The following HECW2 variants were observed in gnomAD, a reference collection of about 807,000 sequenced individuals.
HECW2 encodes E3 ubiquitin-protein ligase HECW2.
Under a neutral mutation model 175.2 loss-of-function variants are expected in HECW2, and 61 were observed. That is an observed-to-expected ratio of 0.35 (90% CI 0.28 to 0.43). HECW2 has a LOEUF of 0.43. HECW2 is among the 20% of genes least tolerant of loss of function. The pLI, the probability that HECW2 is intolerant of heterozygous loss-of-function variation, is 1.00. For missense variants in HECW2, 1,524 were observed against 2,000.5 expected, an observed-to-expected ratio of 0.76 and a Z score of 4.54; for synonymous variants, 671 against 731.0, an observed-to-expected ratio of 0.92 and a Z score of 1.32.
chr2:196,219,248 T>C (rs772177244), intron 26 of HECW2, among the ~76,000 whole-genome samples: 11 of 152,268 alleles, frequency 7.2e-5, no homozygotes, highest in Non-Finnish European at 1.5e-4. Context: ...AACTGGTATT[T>C]GTCATGAATT....
chr2:196,236,211 T>G (rs1401905582), intron 21 of HECW2, among the ~76,000 whole-genome samples: 1 of 152,152 alleles, frequency 6.6e-6, no homozygotes, highest in Non-Finnish European at 1.5e-5. Flanking sequence ...TCTAATGACC[T>G]CAAGTGCAGA....
At chr2:196,257,363 T>C (rs573881771) in intron 18 of HECW2, among the ~76,000 whole-genome samples, 88 of 152,368 alleles carry the variant, frequency 5.8e-4, no homozygotes, top group South Asian at 1.4e-3. Flanking sequence ...GTCAACTTTC[T>C]GATCTGATTT....
intron 3 of HECW2, among the ~76,000 whole-genome samples, chr2:196,336,856 C>T (rs1285105823): frequency 6.6e-6 from 1 of 151,964 alleles, no homozygotes; most frequent in African/African-American, 2.4e-5. Flanking sequence ...CCCACCAGTG[C>T]TACAGAGCTG....
intron 1 of HECW2, among the ~76,000 whole-genome samples, chr2:196,523,990 T>A (rs972765347): frequency 6.6e-6 from 1 of 151,980 alleles, no homozygotes; most frequent in African/African-American, 2.4e-5. Flanking sequence ...GCTGGCCTCA[T>A]AAAATGAGTT....
chr2:196,382,953 CTA>C (rs1694249053), intron 2 of HECW2, among the ~76,000 whole-genome samples: 1 of 152,122 alleles, frequency 6.6e-6, no homozygotes, highest in Non-Finnish European at 1.5e-5. Flanking sequence ...AGGGACAAAA[CTA>C]TATTTTTCAT....
chr2:196,360,593 T>C (rs1048062793), intron 2 of HECW2, among the ~76,000 whole-genome samples: 1 of 152,068 alleles, frequency 6.6e-6, no homozygotes, highest in Non-Finnish European at 1.5e-5. Flanking sequence ...AAATTAAGCC[T>C]AGTGGCTTAG....
intron 14 of HECW2, chr2:196,291,803 T>A (rs993715089): frequency 3.9e-5 from 6 of 152,248 alleles, no homozygotes; most frequent in Non-Finnish European, 7.3e-5. Context: ...TTTATCAAAG[T>A]TGTGGTGAGG....
At chr2:196,548,007 C>T (rs13401192) in intron 1 of HECW2, among the ~76,000 whole-genome samples, 7,682 of 152,164 alleles carry the variant, frequency 0.05, 644 homozygotes, top group African/African-American at 0.17. Flanking sequence ...AATCCAAATG[C>T]AACTCATTGC....
At chr2:196,503,500 G>A (rs1044698418) in intron 1 of HECW2, among the ~76,000 whole-genome samples, 1 of 152,100 alleles carries the variant, frequency 6.6e-6, no homozygotes, top group Admixed American at 6.6e-5. Context: ...AAGAACTAGG[G>A]ACAAGGGAAA....
At chr2:196,396,202 C>T (rs1005536818) in intron 2 of HECW2, among the ~76,000 whole-genome samples, 1 of 152,036 alleles carries the variant, frequency 6.6e-6, no homozygotes, top group African/African-American at 2.4e-5. Flanking sequence ...ATGATGGTTG[C>T]CAGGGGCTGG....
At chr2:196,398,592 G>A (rs975283544) in intron 2 of HECW2, among the ~76,000 whole-genome samples, 10 of 152,106 alleles carry the variant, frequency 6.6e-5, no homozygotes, top group Non-Finnish European at 1.5e-4. Flanking sequence ...TATGCACCTC[G>A]AAGAAACCAC....
intron 7 of HECW2, among the ~76,000 whole-genome samples, chr2:196,321,889 C>G (rs1691957208): frequency 6.6e-6 from 1 of 152,160 alleles, no homozygotes. Context: ...TCTTCTCTAT[C>G]TCCTCAGTAT....
intron 2 of HECW2, among the ~76,000 whole-genome samples, chr2:196,349,392 C>A (rs1372225155): frequency 6.6e-6 from 1 of 152,130 alleles, no homozygotes; most frequent in African/African-American, 2.4e-5. Context: ...CATATATACC[C>A]AAATACCTTC....
At position 196,243,331 on chromosome 2, in the gene HECW2, C is replaced by CT. The variant is rs1477639395; in HGVS notation, c.3530-1128dup. ...TGCAGGCATGTGCCACCACGCCCGA[C>CT]TAATTTTGTATTTTTAGTAGGGTCA... is the stretch of plus-strand genomic sequence containing the variant. On this transcript the variant is annotated intron_variant, in intron 19 of 28. Transcript: ENST00000644978. Among the ~76,000 whole-genome samples, 7 of 151,732 alleles carry CT rather than the reference C, an allele frequency of 4.6e-5. No individual in the cohort carries two copies. The East Asian group carries it at 1.4e-3, about 30-fold the overall frequency.
intron 13 of HECW2, among the ~76,000 whole-genome samples, chr2:196,300,377 G>A (rs11889112): frequency 0.21 from 32,034 of 152,124 alleles, 3,665 homozygotes; most frequent in Middle Eastern, 0.28. Context: ...GAGAAAATTA[G>A]AATGCAGATG....
chr2:196,278,449 A>T, intron 15 of HECW2, 79 bp downstream of exon 15: 1 of 1,462,512 alleles, frequency 6.8e-7, no homozygotes, highest in Non-Finnish European at 9.2e-7. Flanking sequence ...CTTTAAAAAA[A>T]TCAGTCAAAT....
At position 196,318,687 on chromosome 2, in the gene HECW2, C is replaced by T. The variant is rs1691799461; in HGVS notation, c.2203G>A (p.Glu735Lys). 3 of 1,592,802 alleles carry T rather than the reference C, an allele frequency of 1.9e-6. No individual in the cohort carries two copies. Among genetic ancestry groups the T allele is most frequent in the South Asian group, 1.1e-5 (1 of 87,706 alleles). The change falls in exon 9 of 29, where the codon GAG (glutamate) becomes AAG (lysine). Residue 735 changes from glutamate to lysine, a missense_variant. By Grantham distance (56) the Glu-to-Lys change is moderately conservative. Coordinates refer to ENST00000644978, the MANE Select transcript of HECW2 (RefSeq NM_001348768.2). Reference protein sequence around the residue: ...ATVPDQEELGEVWQRRGSLEG... With the variant: ...ATVPDQEELGKVWQRRGSLEG... ...AGGCTCCCCCTCCGCTGCCAGACCT[C>T]CCCCAGCTCCTCCTGGTCAGGTACA...
intron 2 of HECW2, among the ~76,000 whole-genome samples, chr2:196,403,304 A>G (rs1489624819): frequency 6.6e-6 from 1 of 152,132 alleles, no homozygotes; most frequent in African/African-American, 2.4e-5. Context: ...TATTTAACAG[A>G]TACATGTTCA....
chr2:196,392,288 A>G (rs1694536220), intron 2 of HECW2, among the ~76,000 whole-genome samples: 1 of 152,178 alleles, frequency 6.6e-6, no homozygotes, highest in South Asian at 2.1e-4. Flanking sequence ...TCCAGAATGA[A>G]GCCTCAGTCT....
Sources: allele counts gnomAD v4.1 joint callset (sites outside exome capture counted in the v4.1 genomes callset), GRCh38; gene constraint gnomAD v4.1.1; transcripts MANE v1.5; gene names NCBI Gene and HGNC (gene_info 2026-07-23, HGNC 2026-07-21).